The following RNF135 variants were observed in gnomAD, a reference collection of about 807,000 sequenced individuals.
RNF135 encodes the protein E3 ubiquitin-protein ligase RNF135.
RNF135 carries 46 observed loss-of-function variants against 41.9 expected under a neutral mutation model. The ratio of observed to expected loss-of-function variants is 1.10; its 90% CI spans 0.87 to 1.40. The LOEUF is 1.40. Among genes scored for constraint, RNF135 ranks in the 40% most tolerant of loss-of-function variants. The pLI is 0.00. For synonymous variants in RNF135, 238 were observed against 223.8 expected, an observed-to-expected ratio of 1.06 and a Z score of -0.57; for missense variants, 539 against 549.8, an observed-to-expected ratio of 0.98 and a Z score of 0.20.
chr17:30,979,373 C>A (rs370898343), intron 1 of RNF135, among the ~76,000 whole-genome samples: 4 of 130,380 alleles, frequency 3.1e-5, no homozygotes, highest in African/African-American at 5.9e-5. Context: ...GGCTGTCCCC[C>A]CCACCTCCCT....
Position 30,971,237 on chromosome 17 carries a change from G to A in RNF135, c.164G>A (p.Arg55His). The A allele has an allele frequency of 6.6e-7, 1 of 1,513,968 alleles. No homozygotes were observed. The allele number at this position is 1,513,968 out of a possible 1,614,324, so 93.8% of individuals were successfully genotyped here. Residue 55 changes from arginine (R) to histidine (H), a missense_variant, in exon 1 of 5, where the codon CGC (arginine) becomes CAC (histidine). This residue lies in a region of RNF135 where 277 missense variants were observed against 212.8 expected (regional missense o/e 1.30). Coordinates refer to ENST00000328381, the MANE Select transcript of RNF135 (RefSeq NM_032322.4). ...GCCCTGTGGGGCGCCCGCGACGCCCGCCGCTGGGCCTGCCCCACTTGCCGC... is the reference window on the plus strand; with the variant it reads ...GCCCTGTGGGGCGCCCGCGACGCCCACCGCTGGGCCTGCCCCACTTGCCGC... ...LEALWGARDA[R>H]RWACPTCRQG...
chr17:30,964,017 G>C, the RNF135 span, among the ~76,000 whole-genome samples: 1 of 152,096 alleles, frequency 6.6e-6, no homozygotes, highest in South Asian at 2.1e-4. Flanking sequence ...ATTATGAAGT[G>C]GAGTGGAAGT....
At chr17:30,971,030 G>T, upstream of RNF135, 5 of 1,532,722 alleles carry the variant, frequency 3.3e-6, no homozygotes, top group Non-Finnish European at 4.4e-6. Flanking sequence ...GAGGAGACTC[G>T]CCCGGCTCAA....
At chr17:30,976,576 T>C (rs1178162711) in intron 1 of RNF135, among the ~76,000 whole-genome samples, 6 of 152,252 alleles carry the variant, frequency 3.9e-5, no homozygotes, top group Non-Finnish European at 5.9e-5. Flanking sequence ...TGTTATTGTA[T>C]TGGAGTCTGT....
chr17:30,972,004 C>T (rs1259587442), intron 1 of RNF135: 1 of 153,022 alleles, frequency 6.5e-6, no homozygotes, highest in Non-Finnish European at 1.5e-5. Context: ...GTTAGCCAGG[C>T]TAGTCTCAAA....
chr17:30,969,664 G>A (rs1905718479), upstream of RNF135, among the ~76,000 whole-genome samples: 1 of 152,132 alleles, frequency 6.6e-6, no homozygotes. Context: ...GAAAGCACTG[G>A]AAACGTTGAT....
rs1289407104 is a variant in RNF135, at chr17:30,971,087, G to C, written c.14G>C (p.Gly5Ala). The change falls in exon 1 of 5, where the codon GGC (glycine) becomes GCC (alanine). Residue 5 changes from glycine to alanine, a missense_variant. Gly to Ala is a moderately conservative substitution (Grantham distance 60, BLOSUM62 0). Transcript: ENST00000328381. Reference protein sequence around the residue: MAGLGLGSAVPVWLA... With the variant: MAGLALGSAVPVWLA... Reference sequence around the variant, plus strand: ...CGCCTGTTGGCCATGGCGGGCCTGGGCCTGGGCTCCGCCGTTCCCGTGTGG... The same window carrying C: ...CGCCTGTTGGCCATGGCGGGCCTGGCCCTGGGCTCCGCCGTTCCCGTGTGG... The C allele has an allele frequency of 3.3e-6, 5 of 1,534,166 alleles. No individual in the cohort carries two copies. Among genetic ancestry groups the C allele is most frequent in the Admixed American group, 3.9e-5 (2 of 50,918 alleles).
chr17:30,997,489 A>G, intron 4 of RNF135, 158 bp downstream of exon 4: 1 of 712,896 alleles, frequency 1.4e-6, no homozygotes, highest in East Asian at 2.9e-5. Flanking sequence ...TTGCAAAGGC[A>G]AAGCAGGTTG....
upstream of RNF135, among the ~76,000 whole-genome samples, chr17:30,966,193 T>C (rs903917616): frequency 2.0e-5 from 3 of 152,022 alleles, no homozygotes; most frequent in Admixed American, 1.3e-4. Flanking sequence ...AACTATAAAC[T>C]AAATTCCTTC....
At chr17:30,984,498 C>T (rs1276667280) in intron 1 of RNF135, 119 bp from the exon 2 acceptor site, 2 of 1,015,752 alleles carry the variant, frequency 2.0e-6, no homozygotes, top group Non-Finnish European at 3.0e-6. Flanking sequence ...TATTGTATTC[C>T]ATCGGTCTGT....
chr17:30,975,977 A>C, intron 1 of RNF135: 1 of 386,458 alleles, frequency 2.6e-6, no homozygotes. Context: ...AAAAAGTCAC[A>C]TGTAAAAAAA....
chr17:30,970,756 G>T, upstream of RNF135: 1 of 462,312 alleles, frequency 2.2e-6, no homozygotes, highest in Non-Finnish European at 3.9e-6. Flanking sequence ...ATCCAACGGT[G>T]CTGCATCTTA....
chr17:30,971,358 C>T lies in RNF135; in HGVS notation c.285C>T (p.Gly95=). ...GCGCCGCACGCGAGATACAGGCGGG[C>T]TCCGACCCTGCCCACTGCCCCTGCC... is the stretch of plus-strand genomic sequence containing the variant. The part of the protein sequence containing the change: ...YRRAAREIQA[G]SDPAHCPCPG... Residue 95 remains glycine, a synonymous_variant, in exon 1 of 5, where the codon GGC becomes GGT. Transcript: ENST00000328381. The T allele has an allele frequency of 3.3e-6, 5 of 1,530,630 alleles. No homozygotes were observed. Among genetic ancestry groups the T allele is most frequent in the Non-Finnish European group, 4.4e-6 (5 of 1,143,158 alleles). The allele number at this position is 1,530,630 out of a possible 1,614,324, so 94.8% of individuals were successfully genotyped here.
In RNF135 at chr17:30,971,112, G is replaced by T. The variant is rs940707229; in HGVS notation, c.39G>T (p.Trp13Cys). The change falls in exon 1 of 5, where the codon TGG (tryptophan) becomes TGT (cysteine). Residue 13 changes from tryptophan (W) to cysteine (C), a missense_variant. Trp to Cys is a radical substitution (Grantham distance 215). Transcript: ENST00000328381. ...GLGLGSAVPV[W>C]LAEDDLGCII... ...GCCTGGGCTCCGCCGTTCCCGTGTG[G>T]CTGGCCGAGGACGACCTCGGCTGCA... 2.8e-5 allele frequency: 43 copies of T among 1,534,244 alleles called. No homozygotes were observed. The highest frequency in any genetic ancestry group is 3.8e-5 in the Non-Finnish European group (43 of 1,146,106).
chr17:30,997,179 T>G (rs1453768015), intron 3 of RNF135, 63 bp from the exon 4 acceptor site: 2 of 1,252,162 alleles, frequency 1.6e-6, no homozygotes, highest in Non-Finnish European at 2.3e-6. Context: ...CCATGATGTT[T>G]GGAGACCTTC....
chr17:30,970,899 C>T (rs1224989562), upstream of RNF135: 4 of 901,474 alleles, frequency 4.4e-6, no homozygotes, highest in Non-Finnish European at 6.7e-6. Context: ...GCACTGGAGG[C>T]TCTAAGTCTG....
chr17:30,973,515 T>C (rs558777222), intron 1 of RNF135, among the ~76,000 whole-genome samples: 2 of 151,958 alleles, frequency 1.3e-5, no homozygotes, highest in African/African-American at 4.8e-5. Context: ...TTCCCAGGGA[T>C]GGAGTGCAGT....
At chr17:30,971,501 C>G (rs1044018761) in intron 1 of RNF135, 56 bp downstream of exon 1, 4 of 1,431,064 alleles carry the variant, frequency 2.8e-6, no homozygotes, top group African/African-American at 1.5e-5. Context: ...CGCCGCCTGA[C>G]CCTTTCCCAT....
the RNF135 span, chr17:30,959,670 C>T: frequency 6.6e-6 from 1 of 151,982 alleles, no homozygotes; most frequent in Non-Finnish European, 1.5e-5. Flanking sequence ...AATTGGGTGT[C>T]CACACTAAAT....
Sources: gnomAD v4.1 joint callset for allele counts (sites outside exome capture counted in the v4.1 genomes callset) on GRCh38, gnomAD v4.1.1 for gene constraint, gnomAD v4.1.1 regional missense constraint, MANE v1.5 for transcripts, NCBI Gene and HGNC (gene_info 2026-07-23, HGNC 2026-07-21) for gene names.